Variants in SLC6A15 observed in about 807,000 individuals in gnomAD.
SLC6A15 encodes sodium-dependent neutral amino acid transporter B(0)AT2.
SLC6A15 carries 33 observed loss-of-function variants against 68.5 expected under a neutral mutation model. The observed-to-expected ratio is 0.48, with a 90% confidence interval of 0.37 to 0.64. The LOEUF is 0.64. Ranked by LOEUF, SLC6A15 falls within the 30% of genes least tolerant of loss-of-function variation. SLC6A15 has a pLI of 0.00. For synonymous variants in SLC6A15, 347 were observed against 301.0 expected, an observed-to-expected ratio of 1.15 and a Z score of -1.58; for missense variants, 747 against 874.3, an observed-to-expected ratio of 0.85 and a Z score of 1.84.
chr12:84,910,928 CGTGTGTGTGT>C lies in SLC6A15; in HGVS notation c.-189+1585_-189+1594del, dbSNP rs34335324. On this transcript the variant is annotated intron_variant, in intron 1 of 11. Coordinates refer to ENST00000266682, the MANE Select transcript of SLC6A15 (RefSeq NM_182767.6). ...ATTTGCTGTTGAGCCGCCCTCTTTC[CGTGTGTGTGT>C]GTGTGTGTGTGTGTGTCTTTAACCC... Among the ~76,000 whole-genome samples, 84 of 143,546 alleles carry C rather than the reference CGTGTGTGTGT, an allele frequency of 5.9e-4. 1 individual carries two copies. The East Asian group carries it at 9.8e-3, about 17-fold the overall frequency. The allele number at this position is 143,546 out of a possible 152,430, so 94.2% of individuals were successfully genotyped here. A position where few individuals can be genotyped will look rare whatever the true frequency, so the allele number is the denominator to read the frequency against.
chr12:84,890,771 A>C (rs977305871), intron 2 of SLC6A15, among the ~76,000 whole-genome samples: 24 of 152,274 alleles, frequency 1.6e-4, no homozygotes, highest in Admixed American at 1.4e-3. Flanking sequence ...ATTTTATTTG[A>C]TGTAGGGTTT....
intron 3 of SLC6A15, 125 bp downstream of exon 3, chr12:84,885,786 A>C: frequency 9.3e-7 from 1 of 1,074,660 alleles, no homozygotes; most frequent in South Asian, 1.8e-5. Flanking sequence ...TATGCCAGTA[A>C]CGTTTTCTAA....
chr12:84,907,256 G>A (rs1489196681), intron 1 of SLC6A15, among the ~76,000 whole-genome samples: 1 of 151,960 alleles, frequency 6.6e-6, no homozygotes, highest in African/African-American at 2.4e-5. Context: ...GCTGAGGCAG[G>A]AGAATGGTGT....
chr12:84,867,057 T>C lies in SLC6A15; in HGVS notation c.1632A>G (p.Val544=), dbSNP rs896307805. Residue 544 remains valine, a synonymous_variant, in exon 10 of 12, where the codon GTA becomes GTG. Coordinates refer to ENST00000266682, the MANE Select transcript of SLC6A15 (RefSeq NM_182767.6). The part of the protein sequence containing the change: ...LIVVILENIA[V]CFVYGIDKFM... ...ACTTATCTATGCCATAAACAAAGCA[T>C]ACAGCAATATTCTCCAAAATGACTA... 1 of 1,606,532 alleles carries C rather than the reference T, an allele frequency of 6.2e-7. No homozygotes were observed. Among genetic ancestry groups the C allele is most frequent in the African/African-American group, 1.3e-5 (1 of 74,574 alleles).
intron 1 of SLC6A15, among the ~76,000 whole-genome samples, chr12:84,899,458 T>C (rs950837553): frequency 6.6e-6 from 1 of 152,232 alleles, no homozygotes; most frequent in Non-Finnish European, 1.5e-5. Context: ...AAAGGCATTA[T>C]GCCCAGGCTG....
Position 84,863,584 on chromosome 12 carries a change from T to C in SLC6A15, c.1673A>G (p.Lys558Arg), listed in dbSNP as rs1407726927. 4 of 1,558,506 alleles carry C rather than the reference T, an allele frequency of 2.6e-6. No homozygotes were observed. The Admixed American group carries it at 8.9e-5, about 35-fold the overall frequency. Residue 558 changes from lysine (K) to arginine (R), a missense_variant, in exon 11 of 12, where the codon AAA becomes AGA. Transcript: ENST00000266682. ...YGIDKFMEDL[K>R]DMLGFAPSRY... ...GCTGGGAGCAAAGCCCAGCATATCT[T>C]TTAGGTCTTCCATAAACCTGAATAA...
At chr12:84,877,343 G>T (rs1187611912) in intron 5 of SLC6A15, among the ~76,000 whole-genome samples, 2 of 152,142 alleles carry the variant, frequency 1.3e-5, no homozygotes, top group African/African-American at 4.8e-5. Flanking sequence ...TCTAGAAATG[G>T]TTCTGGACTA....
At chr12:84,865,557 C>A (rs553514730) in intron 10 of SLC6A15, among the ~76,000 whole-genome samples, 5 of 152,196 alleles carry the variant, frequency 3.3e-5, no homozygotes, top group Non-Finnish European at 5.9e-5. Context: ...GTGTGTCCAC[C>A]ATTACAGTGT....
chr12:84,873,325 C>T lies in SLC6A15; in HGVS notation c.871G>A (p.Glu291Lys), dbSNP rs1421560115. The change falls in exon 7 of 12, where the codon GAA becomes AAA. Residue 291 changes from glutamate to lysine, a missense_variant. Transcript: ENST00000266682. ...CAGACCTTGGGCTCCAGCATTATTT[C>T]AAGCTGTTTAAAAATAAACATAATA... Reference protein sequence around the residue: ...GIRHMFTPKLEIMLEPKVWRE... With the variant: ...GIRHMFTPKLKIMLEPKVWRE... 6.8e-6 allele frequency: 11 copies of T among 1,613,034 alleles called. No homozygotes were observed. The highest frequency in any genetic ancestry group is 1.3e-5 in the African/African-American group (1 of 74,948).
At chr12:84,885,709 T>A (rs1432076449) in intron 3 of SLC6A15, 148 bp from the exon 4 acceptor site, 1 of 1,071,478 alleles carries the variant, frequency 9.3e-7, no homozygotes. Flanking sequence ...AAAAAGTTAA[T>A]GTCTTTCTCA....
intron 9 of SLC6A15, 70 bp downstream of exon 9, chr12:84,870,408 T>A (rs981262285): frequency 8.9e-6 from 10 of 1,121,478 alleles, no homozygotes; most frequent in Non-Finnish European, 1.2e-5. Flanking sequence ...CCACTTTTCA[T>A]CTCTAATCTT....
intron 1 of SLC6A15, chr12:84,911,955 T>C (rs528294570): frequency 2.0e-4 from 31 of 151,380 alleles, no homozygotes; most frequent in African/African-American, 7.6e-4. Context: ...AAAGGGGAAC[T>C]GTGGTCACGT....
At chr12:84,908,363 T>C (rs114270879) in intron 1 of SLC6A15, among the ~76,000 whole-genome samples, 11 of 151,862 alleles carry the variant, frequency 7.2e-5, no homozygotes, top group Non-Finnish European at 1.3e-4. Context: ...TAATTTTATT[T>C]CTAAAACTCT....
Position 84,871,044 on chromosome 12 carries a change from A to AAT in SLC6A15, c.1303-376_1303-375dup, listed in dbSNP as rs995155761. ...ATATTATCATAGATATATAAATACA[A>AAT]ATATATATATACAACTATTTCTGGC... On this transcript the variant is annotated intron_variant, in intron 8 of 11. Coordinates refer to ENST00000266682, the MANE Select transcript of SLC6A15 (RefSeq NM_182767.6). 1.8e-4 allele frequency among the ~76,000 whole-genome samples: 27 copies of AAT among 151,832 alleles called. No individual in the cohort carries two copies. The South Asian group carries it at 2.7e-3, about 15-fold the overall frequency.
Position 84,860,449 on chromosome 12 carries a change from A to G in SLC6A15, c.*1183T>C, listed in dbSNP as rs1450751566. The stretch of plus-strand genomic sequence containing the variant: ...GGCTGTAAGTACTTTTTCAAGAATC[A>G]TAAGACTACATAAGAACACCATTGA... On this transcript the variant is annotated 3_prime_UTR_variant, in exon 12 of 12. Transcript: ENST00000266682. 2 of 152,148 alleles carry G rather than the reference A, an allele frequency of 1.3e-5. No individual in the cohort carries two copies. The highest frequency in any genetic ancestry group is 6.5e-5 in the Admixed American group (1 of 15,274). The allele number at this position is 152,148 out of a possible 1,614,324, so 9.4% of individuals were successfully genotyped here.
At chr12:84,882,489 T>C (rs955245663) in intron 5 of SLC6A15, 3 of 925,494 alleles carry the variant, frequency 3.2e-6, no homozygotes, top group South Asian at 5.0e-5. Context: ...AATTTACAAG[T>C]TAAAAAGTCA....
intron 10 of SLC6A15, 124 bp from the exon 11 acceptor site, chr12:84,863,725 T>C: frequency 3.4e-6 from 2 of 585,106 alleles, no homozygotes; most frequent in Non-Finnish European, 5.2e-6. Context: ...TTATACTGTA[T>C]CAAAGTTCCT....
In SLC6A15 at chr12:84,892,087, A is replaced by G. The variant is rs926745039; in HGVS notation, c.34T>C (p.Leu12=). The change falls in exon 2 of 12, where the codon TTA becomes CTA. Residue 12 remains leucine (L), a synonymous_variant. Transcript: ENST00000266682. ...ACAGACTCAGTAACATCATCATCTA[A>G]TTCTCTTTTTACCACCTTGCTATTT... is the stretch of plus-strand genomic sequence containing the variant. The part of the protein sequence containing the change: ...PKNSKVVKRE[L]DDDVTESVKD... 6.2e-7 allele frequency: 1 copy of G among 1,611,852 alleles called. No homozygotes were observed. The highest frequency in any genetic ancestry group is 1.7e-5 in the Admixed American group (1 of 59,764).
In SLC6A15 at chr12:84,861,624, T is replaced by C. The variant is rs1351547598; in HGVS notation, c.*8A>G. ...GAACCAAATAAAACCCACTGACTTT[T>C]CCCCCAGCTACAAATCAGATTCTGG... On this transcript the variant is annotated 3_prime_UTR_variant, in exon 12 of 12. Coordinates refer to ENST00000266682, the MANE Select transcript of SLC6A15 (RefSeq NM_182767.6). The C allele has an allele frequency of 1.3e-6, 2 of 1,581,602 alleles. No individual in the cohort carries two copies. The highest frequency in any genetic ancestry group is 1.7e-6 in the Non-Finnish European group (2 of 1,160,756).
Sources: gnomAD v4.1 joint callset for allele counts (sites outside exome capture counted in the v4.1 genomes callset) on GRCh38, gnomAD v4.1.1 for gene constraint, MANE v1.5 for transcripts, NCBI Gene and HGNC (gene_info 2026-07-23, HGNC 2026-07-21) for gene names.